The following PCDH8 variants were observed in gnomAD, a reference collection of about 807,000 sequenced individuals.
The protein encoded by PCDH8 is protocadherin 8.
A neutral mutation model predicts 58.2 loss-of-function variants in PCDH8; 36 were observed. That is an observed-to-expected ratio of 0.62 (90% CI 0.47 to 0.82). PCDH8 has a LOEUF of 0.82. PCDH8 is among the 40% of genes least tolerant of loss of function. The pLI, the probability that PCDH8 is intolerant of heterozygous loss-of-function variation, is 0.00. For synonymous variants in PCDH8, 775 were observed against 728.9 expected (o/e 1.06, Z -1.02); for missense variants, 1,493 against 1,567.8 (o/e 0.95, Z 0.81).
Position 52,848,416 on chromosome 13 carries a change from C to G in PCDH8, c.21G>C (p.Trp7Cys), listed in dbSNP as rs1243106709. Residue 7 changes from tryptophan to cysteine, a missense_variant, in exon 1 of 3, where the codon TGG becomes TGC. Trp to Cys is a radical substitution (Grantham distance 215). This residue lies in a region of PCDH8 where 1,307 missense variants were observed against 1,362.7 expected (regional missense o/e 0.96). Coordinates refer to ENST00000377942, the MANE Select transcript of PCDH8 (RefSeq NM_002590.4). ...GCAAGGGGAAAAGGCAGGGGCTGCC[C>G]CAACGCCTCACAGGACTCATGCCTC... Reference protein sequence around the residue: MSPVRRWGSPCLFPLQL... With the variant: MSPVRRCGSPCLFPLQL... 1 of 1,606,876 alleles carries G rather than the reference C, an allele frequency of 6.2e-7. No homozygotes were observed. Among genetic ancestry groups the G allele is most frequent in the African/African-American group, 1.3e-5 (1 of 75,030 alleles).
Position 52,844,411 on chromosome 13 carries a change from C to G in PCDH8, c.*149G>C. On this transcript the variant is annotated 3_prime_UTR_variant, in exon 3 of 3. Transcript: ENST00000377942. ...TAACTACATTTTTGTTTGCAAATAC[C>G]AAACAGTACCAATGTGATTGGAAAT... 2 of 556,054 alleles carry G rather than the reference C, an allele frequency of 3.6e-6. No homozygotes were observed. The highest frequency in any genetic ancestry group is 3.1e-5 in the East Asian group (1 of 31,812). 34.4% of individuals were successfully genotyped at this position (556,054 alleles called of 1,614,324 possible).
Position 52,847,010 on chromosome 13 carries a change from G to A in PCDH8, c.1427C>T (p.Pro476Leu), listed in dbSNP as rs866673981. ...CGTGTAGGGCCGCACTGTGCGCAGC[G>A]GGGGCGCGCCGCGATCCTCGGCCAC... The part of the protein sequence containing the change: ...TLVAEDRGAP[P>L]LRTVRPYTVR... Residue 476 changes from proline to leucine, a missense_variant, in exon 1 of 3, where the codon CCG becomes CTG. Coordinates refer to ENST00000377942, the MANE Select transcript of PCDH8 (RefSeq NM_002590.4). 5.7e-6 allele frequency: 9 copies of A among 1,569,704 alleles called. No individual in the cohort carries two copies. In the Admixed American group the frequency reaches 1.1e-4, roughly 19 times the overall value.
chr13:52,847,655 AC>A lies in PCDH8; in HGVS notation c.781del (p.Val261TrpfsTer190). On this transcript the variant is annotated frameshift_variant, in exon 1 of 3. Coordinates refer to ENST00000377942, the MANE Select transcript of PCDH8 (RefSeq NM_002590.4). LOFTEE classifies it high-confidence loss of function. ...AEVELAEDAP[V>X]GSLLLDLDAA... ...GTCCAGGTCGAGAAGCAGGGAGCCC[AC>A]GGGCGCGTCTTCCGCCAGCTCCACT... The A allele has an allele frequency of 6.4e-7, 1 of 1,571,332 alleles. No individual in the cohort carries two copies. The highest frequency in any genetic ancestry group is 1.7e-5 in the Admixed American group (1 of 57,224).
rs201490995 is a variant in PCDH8, at chr13:52,847,356, C to T, written c.1081G>A (p.Ala361Thr). The change falls in exon 1 of 3, where the codon GCC (alanine) becomes ACC (threonine). Residue 361 changes from alanine to threonine, a missense_variant. By Grantham distance (58) the Ala-to-Thr change is moderately conservative. Around this residue, in one of 3 missense-constraint regions of PCDH8, gnomAD observed 1,307 missense variants for 1,362.7 expected, o/e 0.96. Transcript: ENST00000377942. ...APDIAITPLA[A>T]PGAPATSPFA... ...GGTGAGGTTGCCGGCGCGCCTGGGG[C>T]GGCCAGCGGGGTGATGGCGATGTCG... is the stretch of plus-strand genomic sequence containing the variant. 5.4e-6 allele frequency: 8 copies of T among 1,483,836 alleles called. No individual in the cohort carries two copies. In the African/African-American group the frequency reaches 7.3e-5, roughly 13 times the overall value. The allele number at this position is 1,483,836 out of a possible 1,614,324, so 91.9% of individuals were successfully genotyped here.
Position 52,848,479 on chromosome 13 carries a change from C to T in PCDH8, c.-43G>A. Reference sequence around the variant, plus strand: ...CGATCCGAAAGGCTAAGGAAGTCTTCTCTGGTTTCCAGGTCGGGCGTCAGT... The same window carrying T: ...CGATCCGAAAGGCTAAGGAAGTCTTTTCTGGTTTCCAGGTCGGGCGTCAGT... On this transcript the variant is annotated 5_prime_UTR_variant, in exon 1 of 3. Transcript: ENST00000377942. The T allele has an allele frequency of 6.6e-7, 1 of 1,526,050 alleles. No homozygotes were observed. Among genetic ancestry groups the T allele is most frequent in the South Asian group, 1.3e-5 (1 of 78,794 alleles). The allele number at this position is 1,526,050 out of a possible 1,614,324, so 94.5% of individuals were successfully genotyped here.
rs1566262899 is a variant in PCDH8, at chr13:52,843,086, G to A, written c.*1474C>T. The A allele has an allele frequency of 6.6e-6, 1 of 152,192 alleles. No homozygotes were observed. Among genetic ancestry groups the A allele is most frequent in the East Asian group, 1.9e-4 (1 of 5,202 alleles). 9.4% of individuals were successfully genotyped at this position (152,192 alleles called of 1,614,324 possible). On this transcript the variant is annotated 3_prime_UTR_variant, in exon 3 of 3. Transcript: ENST00000377942. The stretch of plus-strand genomic sequence containing the variant: ...TTAAATGAGATAATTCATGCAGAAT[G>A]CTTGGTAAGGAGCTCTGCTCACAGA...
At position 52,848,311 on chromosome 13, in the gene PCDH8, G is replaced by T; in HGVS notation, c.126C>A (p.Pro42=). The change falls in exon 1 of 3, where the codon CCC becomes CCA. Residue 42 remains proline (P), a synonymous_variant. Coordinates refer to ENST00000377942, the MANE Select transcript of PCDH8 (RefSeq NM_002590.4). ...CGGCCAGGGTCCCGATGACCGTGCC[G>T]GGGGCATCCTCCTCGAAGGTGCTGT... is the stretch of plus-strand genomic sequence containing the variant. The part of the protein sequence containing the change: ...VRYSTFEEDA[P]GTVIGTLAED... The T allele has an allele frequency of 6.2e-7, 1 of 1,613,316 alleles. No homozygotes were observed. The highest frequency in any genetic ancestry group is 8.5e-7 in the Non-Finnish European group (1 of 1,180,036).
rs200879585 is a variant in PCDH8, at chr13:52,845,639, C to A, written c.2632-7G>T. 6.2e-7 allele frequency: 1 copy of A among 1,613,476 alleles called. No homozygotes were observed. Among genetic ancestry groups the A allele is most frequent in the African/African-American group, 1.3e-5 (1 of 74,888 alleles). On this transcript the variant is annotated splice_region_variant and splice_polypyrimidine_tract_variant and intron_variant, in intron 1 of 2. Coordinates refer to ENST00000377942, the MANE Select transcript of PCDH8 (RefSeq NM_002590.4). ...CCGGGGAGGCACCGTAGGGCTGCAG[C>A]AGGGAATAGGGGAATGGGAGTGGGG...
In PCDH8 at chr13:52,847,669, C is replaced by A; in HGVS notation, c.768G>T (p.Ala256=). Residue 256 remains alanine (A), a synonymous_variant, in exon 1 of 3, where the codon GCG becomes GCT. Transcript: ENST00000377942. ...PQGAVAEVEL[A]EDAPVGSLLL... Reference sequence around the variant, plus strand: ...GCAGGGAGCCCACGGGCGCGTCTTCCGCCAGCTCCACTTCGGCCACGGCGC... The same window carrying A: ...GCAGGGAGCCCACGGGCGCGTCTTCAGCCAGCTCCACTTCGGCCACGGCGC... 2 of 1,566,752 alleles carry A rather than the reference C, an allele frequency of 1.3e-6. No individual in the cohort carries two copies. The highest frequency in any genetic ancestry group is 1.2e-5 in the South Asian group (1 of 86,136).
At position 52,846,294 on chromosome 13, in the gene PCDH8, C is replaced by A. The variant is rs1362773228; in HGVS notation, c.2143G>T (p.Gly715Trp). ...CTGGCAGGCGCAGCCGGCCCACGCCCGCCCCCTGCTGTTACCACGAAGCTG... is the reference window on the plus strand; with the variant it reads ...CTGGCAGGCGCAGCCGGCCCACGCCAGCCCCCTGCTGTTACCACGAAGCTG... The part of the protein sequence containing the change: ...TVSFVVTAGG[G>W]RGPAAPASAG... The change falls in exon 1 of 3, where the codon GGG (glycine) becomes TGG (tryptophan). Residue 715 changes from glycine to tryptophan, a missense_variant. Gly to Trp is a radical substitution (Grantham distance 184). Around this residue, in one of 3 missense-constraint regions of PCDH8, gnomAD observed 1,307 missense variants for 1,362.7 expected, o/e 0.96. Coordinates refer to ENST00000377942, the MANE Select transcript of PCDH8 (RefSeq NM_002590.4). The A allele has an allele frequency of 1.3e-6, 2 of 1,574,022 alleles. No homozygotes were observed.
chr13:52,845,905 G>C lies in PCDH8; in HGVS notation c.2532C>G (p.Val844=), dbSNP rs1407266627. The C allele has an allele frequency of 6.8e-7, 1 of 1,477,710 alleles. No individual in the cohort carries two copies. The highest frequency in any genetic ancestry group is 1.5e-5 in the African/African-American group (1 of 67,540). 91.5% of individuals were successfully genotyped at this position (1,477,710 alleles called of 1,614,324 possible). A position where few individuals can be genotyped will look rare whatever the true frequency, so the allele number is the denominator to read the frequency against. The change falls in exon 1 of 3, where the codon GTC becomes GTG. Residue 844 remains valine (V), a synonymous_variant. Transcript: ENST00000377942. The stretch of plus-strand genomic sequence containing the variant: ...CTGAGCCCGGCACTTCGGCCGCGGC[G>C]ACCGCAGGCGGAGGCGCGTCCGCCG... ...SPAADAPPPA[V]AAAEVPGSEG...
In PCDH8 at chr13:52,844,775, T is replaced by G; in HGVS notation, c.2998A>C (p.Arg1000=). ...STSLPRDPLR[R]DNYYQAQLPK... is the part of the protein sequence containing the mutation. Reference sequence around the variant, plus strand: ...AGCTGGGCCTGGTAGTAATTGTCCCTGCGCAGAGGATCCCGAGGCAGTGAC... The same window carrying G: ...AGCTGGGCCTGGTAGTAATTGTCCCGGCGCAGAGGATCCCGAGGCAGTGAC... Residue 1000 remains arginine (R), a synonymous_variant, in exon 3 of 3, where the codon AGG becomes CGG. Transcript: ENST00000377942. The G allele has an allele frequency of 6.2e-7, 1 of 1,613,408 alleles. No individual in the cohort carries two copies. The highest frequency in any genetic ancestry group is 8.5e-7 in the Non-Finnish European group (1 of 1,179,642).
Position 52,844,820 on chromosome 13 carries a change from A to G in PCDH8, c.2953T>C (p.Ser985Pro). ...HPSPHPPAQM[S>P]TFCKSTSLPR... ...AGTGACGTGCTCTTACAGAAGGTTG[A>G]CATCTGGGCTGGTGGGTGAGGCGAT... The change falls in exon 3 of 3, where the codon TCA (serine) becomes CCA (proline). Residue 985 changes from serine to proline, a missense_variant. This residue lies in a region of PCDH8 where 182 missense variants were observed against 178.9 expected (regional missense o/e 1.02). Coordinates refer to ENST00000377942, the MANE Select transcript of PCDH8 (RefSeq NM_002590.4). 6.2e-7 allele frequency: 1 copy of G among 1,612,636 alleles called. No homozygotes were observed. The highest frequency in any genetic ancestry group is 8.5e-7 in the Non-Finnish European group (1 of 1,179,310).
chr13:52,847,699 C>T lies in PCDH8; in HGVS notation c.738G>A (p.Pro246=), dbSNP rs1422293042. 1 of 1,544,152 alleles carries T rather than the reference C, an allele frequency of 6.5e-7. No homozygotes were observed. The highest frequency in any genetic ancestry group is 8.7e-7 in the Non-Finnish European group (1 of 1,154,176). ...GCTCCACTTCGGCCACGGCGCCCTG[C>T]GGGAAGGCCGGGCTGTGGTCATTCG... ...LDANDHSPAF[P]QGAVAEVELA... Residue 246 remains proline, a synonymous_variant, in exon 1 of 3, where the codon CCG becomes CCA. Coordinates refer to ENST00000377942, the MANE Select transcript of PCDH8 (RefSeq NM_002590.4).
intron 1 of PCDH8, 32 bp from the exon 2 acceptor site, chr13:52,845,664 G>A: frequency 2.5e-6 from 4 of 1,609,036 alleles, no homozygotes; most frequent in Non-Finnish European, 3.4e-6. Flanking sequence ...TGGGAGTGGG[G>A]GGAGGGTTGG....
chr13:52,848,178 C>T lies in PCDH8; in HGVS notation c.259G>A (p.Asp87Asn). Residue 87 changes from aspartate to asparagine, a missense_variant, in exon 1 of 3, where the codon GAC becomes AAC. Transcript: ENST00000377942. ...AGCCGCTCGCGGTCCAGGCCGGCGT[C>T]CCCGACGGTCAGCTGCCCGTCGCCT... ...REGDGQLTVG[D>N]AGLDRERLCG... 2 of 1,612,610 alleles carry T rather than the reference C, an allele frequency of 1.2e-6. No homozygotes were observed. The highest frequency in any genetic ancestry group is 1.7e-4 in the Middle Eastern group (1 of 6,060).
In PCDH8 at chr13:52,847,612, C is replaced by G; in HGVS notation, c.825G>C (p.Glu275Asp). The change falls in exon 1 of 3, where the codon GAG (glutamate) becomes GAC (aspartate). Residue 275 changes from glutamate (E) to aspartate (D), a missense_variant. Glu to Asp is a conservative substitution (Grantham distance 45, BLOSUM62 2). Transcript: ENST00000377942. The part of the protein sequence containing the change: ...LLDLDAADPD[E>D]GPNGDVVFAF... ...CGAACACCACGTCGCCGTTAGGTCC[C>G]TCGTCGGGGTCGGCTGCGTCCAGGT... 1 of 1,573,668 alleles carries G rather than the reference C, an allele frequency of 6.4e-7. No individual in the cohort carries two copies. The highest frequency in any genetic ancestry group is 8.6e-7 in the Non-Finnish European group (1 of 1,168,326).
Position 52,843,217 on chromosome 13 carries a change from T to G in PCDH8, c.*1343A>C, listed in dbSNP as rs1168578903. On this transcript the variant is annotated 3_prime_UTR_variant, in exon 3 of 3. Coordinates refer to ENST00000377942, the MANE Select transcript of PCDH8 (RefSeq NM_002590.4). ...AGGCATAGTACTCTTGAGTGTCTTT[T>G]TTTAAGACTTTCCATTATGTACATT... is the stretch of plus-strand genomic sequence containing the variant. 1 of 152,218 alleles carries G rather than the reference T, an allele frequency of 6.6e-6. No individual in the cohort carries two copies. Among genetic ancestry groups the G allele is most frequent in the South Asian group, 2.1e-4 (1 of 4,828 alleles). 9.4% of individuals were successfully genotyped at this position (152,218 alleles called of 1,614,324 possible).
rs778772363 is a variant in PCDH8, at chr13:52,847,921, C to T, written c.516G>A (p.Val172=). 6.3e-7 allele frequency: 1 copy of T among 1,598,384 alleles called. No individual in the cohort carries two copies. The highest frequency in any genetic ancestry group is 2.3e-5 in the East Asian group (1 of 43,984). The change falls in exon 1 of 3, where the codon GTG becomes GTA. Residue 172 remains valine (V), a synonymous_variant. Transcript: ENST00000377942. ...EDVGANGLQT[V]RLAEPHSPFR... ...AGGGGCTGTGCGGCTCGGCCAGGCG[C>T]ACGGTCTGCAGCCCGTTGGCGCCCA...
Sources: gnomAD v4.1 joint callset for allele counts on GRCh38, gnomAD v4.1.1 for gene constraint, gnomAD v4.1.1 regional missense constraint, MANE v1.5 for transcripts, NCBI Gene and HGNC (gene_info 2026-07-23, HGNC 2026-07-21) for gene names.